The following TRABD2B variants were observed in gnomAD, a reference collection of about 807,000 sequenced individuals.
TRABD2B encodes the protein TraB domain containing 2B.
Under a neutral mutation model 40.1 loss-of-function variants are expected in TRABD2B, and 14 were observed. That is an observed-to-expected ratio of 0.35 (90% CI 0.23 to 0.55). The LOEUF is 0.55. Ranked by LOEUF, TRABD2B falls within the 20% of genes least tolerant of loss-of-function variation. The pLI is 0.90. For missense variants in TRABD2B, 541 were observed against 648.6 expected, an observed-to-expected ratio of 0.83 and a Z score of 1.80; for synonymous variants, 263 against 277.0, an observed-to-expected ratio of 0.95 and a Z score of 0.50.
intron 2 of TRABD2B, among the ~76,000 whole-genome samples, chr1:47,871,029 A>G (rs191055652): frequency 1.2e-4 from 18 of 152,326 alleles, no homozygotes; most frequent in Admixed American, 4.6e-4. Flanking sequence ...AATGATAGCT[A>G]CACCTACATC....
chr1:47,773,264 C>CT (rs550944039), intron 6 of TRABD2B, among the ~76,000 whole-genome samples: 3 of 152,088 alleles, frequency 2.0e-5, no homozygotes, highest in Non-Finnish European at 4.4e-5. Context: ...CAAACCCTCC[C>CT]TGCCACTGAC....
intron 2 of TRABD2B, among the ~76,000 whole-genome samples, chr1:47,890,497 C>T (rs1178730545): frequency 1.3e-5 from 2 of 152,134 alleles, no homozygotes; most frequent in African/African-American, 4.8e-5. Context: ...GGAGATGCTG[C>T]AACTTCCTGG....
intron 2 of TRABD2B, chr1:47,818,137 C>T (rs12077849): frequency 0.31 from 47,681 of 152,308 alleles, 7,805 homozygotes; most frequent in Non-Finnish European, 0.37. Flanking sequence ...CCGGCTCTGC[C>T]CCAGGCCTGC....
At chr1:47,855,023 T>C (rs1643876999) in intron 2 of TRABD2B, among the ~76,000 whole-genome samples, 1 of 152,208 alleles carries the variant, frequency 6.6e-6, no homozygotes, top group Non-Finnish European at 1.5e-5. Flanking sequence ...GCAGATATGA[T>C]ATAAAATGGC....
At position 47,994,646 on chromosome 1, in the gene TRABD2B, T is replaced by A; in HGVS notation, c.103-49A>T. On this transcript the variant is annotated intron_variant, in intron 1 of 6. Transcript: ENST00000606738. The surrounding 1 kb of genome is among the most constrained non-coding windows in gnomAD (Gnocchi z 6.7). ...GGCAGTGAGGCCGAAGGCAACAGAG[T>A]AGAGTCAGGGTAGCCCAGAGGCACG... is the stretch of plus-strand genomic sequence containing the variant. The A allele has an allele frequency of 6.7e-7, 1 of 1,491,300 alleles. No individual in the cohort carries two copies. Among genetic ancestry groups the A allele is most frequent in the Non-Finnish European group, 8.9e-7 (1 of 1,119,570 alleles). 92.4% of individuals were successfully genotyped at this position (1,491,300 alleles called of 1,614,324 possible).
intron 2 of TRABD2B, among the ~76,000 whole-genome samples, chr1:47,832,459 G>C (rs565608325): frequency 8.5e-5 from 13 of 152,254 alleles, no homozygotes; most frequent in East Asian, 3.9e-4. Context: ...TCCTGTTTTG[G>C]GGGGGATGAT....
chr1:47,989,600 G>C (rs1043266532), intron 2 of TRABD2B, among the ~76,000 whole-genome samples: 6 of 152,178 alleles, frequency 3.9e-5, no homozygotes, highest in African/African-American at 1.4e-4. Flanking sequence ...TATTCCCTGG[G>C]AGTAGCTGAT....
chr1:47,782,759 C>T (rs1644542602), intron 4 of TRABD2B, among the ~76,000 whole-genome samples: 1 of 152,140 alleles, frequency 6.6e-6, no homozygotes, highest in African/African-American at 2.4e-5. Context: ...AGACAGGAAC[C>T]ATGCTTGCCT....
At chr1:47,993,743 C>A (rs1345077810) in intron 2 of TRABD2B, among the ~76,000 whole-genome samples, 1 of 152,228 alleles carries the variant, frequency 6.6e-6, no homozygotes, top group Non-Finnish European at 1.5e-5. Flanking sequence ...GAGGGAAATT[C>A]TTTCTGCCCA....
At chr1:47,889,037 ATGTC>A (rs1385681113) in intron 2 of TRABD2B, among the ~76,000 whole-genome samples, 3 of 152,106 alleles carry the variant, frequency 2.0e-5, no homozygotes, top group Non-Finnish European at 4.4e-5. Flanking sequence ...AATTTGTATG[ATGTC>A]TGTCTGTCTC....
chr1:47,792,724 G>A (rs888379920), intron 4 of TRABD2B, among the ~76,000 whole-genome samples: 2 of 152,146 alleles, frequency 1.3e-5, no homozygotes, highest in Non-Finnish European at 2.9e-5. Context: ...CAGAGCTGGT[G>A]GTAGCTACCC....
At chr1:47,928,653 T>C (rs1367224066) in intron 2 of TRABD2B, among the ~76,000 whole-genome samples, 2 of 152,126 alleles carry the variant, frequency 1.3e-5, no homozygotes, top group African/African-American at 4.8e-5. Flanking sequence ...TTCTGAAGAG[T>C]TCCCAGTCCA....
chr1:47,771,858 G>A (rs548544903), intron 6 of TRABD2B, among the ~76,000 whole-genome samples: 3 of 152,288 alleles, frequency 2.0e-5, no homozygotes, highest in Admixed American at 6.5e-5. Context: ...CGGTAATGAG[G>A]GGCAAGGGGG....
intron 2 of TRABD2B, among the ~76,000 whole-genome samples, chr1:47,941,979 GTCAAATT>G (rs1645194948): frequency 6.6e-6 from 1 of 152,216 alleles, no homozygotes; most frequent in Non-Finnish European, 1.5e-5. Flanking sequence ...GAATACCATT[GTCAAATT>G]AATACTTATT....
chr1:47,898,673 A>C lies in TRABD2B; in HGVS notation c.666+95361T>G, dbSNP rs572440951. On this transcript the variant is annotated intron_variant, in intron 2 of 6. Transcript: ENST00000606738. Reference sequence around the variant, plus strand: ...CCTGAACTTATCCAAGGCTATATATAGCCTTGATCTCTCCCACGTTTTGTG... The same window carrying C: ...CCTGAACTTATCCAAGGCTATATATCGCCTTGATCTCTCCCACGTTTTGTG... 9.5e-4 allele frequency among the ~76,000 whole-genome samples: 144 copies of C among 152,292 alleles called. 1 individual carries two copies. The highest frequency in any genetic ancestry group is 3.4e-3 in the Middle Eastern group (1 of 294).
intron 2 of TRABD2B, among the ~76,000 whole-genome samples, chr1:47,863,642 A>G (rs147205867): frequency 1.5e-4 from 23 of 152,238 alleles, no homozygotes; most frequent in Non-Finnish European, 2.9e-4. Context: ...GAACTCTCAT[A>G]CATTGCTGAT....
Position 47,979,759 on chromosome 1 carries a change from G to A in TRABD2B, c.666+14275C>T, listed in dbSNP as rs141646131. Among the ~76,000 whole-genome samples the A allele has an allele frequency of 1.5e-4, 23 of 152,268 alleles. No individual in the cohort carries two copies. The East Asian group carries it at 2.5e-3, about 17-fold the overall frequency. Reference sequence around the variant, plus strand: ...TTAGAAATGGTGGTCAAGGTCTCAGGCTCCCTCACAAAAGGCCCTGTAATG... The same window carrying A: ...TTAGAAATGGTGGTCAAGGTCTCAGACTCCCTCACAAAAGGCCCTGTAATG... On this transcript the variant is annotated intron_variant, in intron 2 of 6. Coordinates refer to ENST00000606738, the MANE Select transcript of TRABD2B (RefSeq NM_001194986.2).
At chr1:47,860,785 T>G (rs1180491182) in intron 2 of TRABD2B, among the ~76,000 whole-genome samples, 1 of 152,198 alleles carries the variant, frequency 6.6e-6, no homozygotes, top group East Asian at 1.9e-4. Context: ...TGGGTTGTTA[T>G]AATGCAAGGT....
chr1:47,899,845 G>C (rs558191686), intron 2 of TRABD2B, among the ~76,000 whole-genome samples: 20 of 152,268 alleles, frequency 1.3e-4, no homozygotes, highest in South Asian at 6.2e-4. Flanking sequence ...AGTGCTGTCA[G>C]AGTGCAGCCT....
Sources: gnomAD v4.1 joint callset for allele counts (sites outside exome capture counted in the v4.1 genomes callset) on GRCh38, gnomAD v4.1.1 for gene constraint, Gnocchi (gnomAD v3.1) non-coding constraint, MANE v1.5 for transcripts, NCBI Gene and HGNC (gene_info 2026-07-23, HGNC 2026-07-21) for gene names.